The following PYGM variants were observed in gnomAD, a reference collection of about 807,000 sequenced individuals.
The protein encoded by PYGM is glycogen phosphorylase, muscle form.
A neutral mutation model predicts 99.3 loss-of-function variants in PYGM; 81 were observed. The ratio of observed to expected loss-of-function variants is 0.82; its 90% CI spans 0.68 to 0.98. The LOEUF (loss-of-function observed/expected upper bound fraction) is 0.98. Among genes scored for constraint, PYGM ranks in the 50% least tolerant of loss-of-function variants. PYGM has a pLI of 0.00. For synonymous variants in PYGM, 436 were observed against 451.5 expected, an observed-to-expected ratio of 0.97 and a Z score of 0.44; for missense variants, 1,030 against 1,158.1, an observed-to-expected ratio of 0.89 and a Z score of 1.61.
chr11:64,753,267 T>A (rs111764858), intron 11 of PYGM, 80 bp from the exon 12 acceptor site: 7 of 1,388,132 alleles, frequency 5.0e-6, no homozygotes, highest in Non-Finnish European at 7.2e-6. Flanking sequence ...TACCCTGGTG[T>A]CTTGCTGAAA....
intron 11 of PYGM, 93 bp downstream of exon 11, chr11:64,753,426 G>C: frequency 2.0e-6 from 3 of 1,470,452 alleles, no homozygotes; most frequent in South Asian, 2.5e-5. Flanking sequence ...CCAGAGACCA[G>C]AGAGTGGTCG....
Position 64,754,367 on chromosome 11 carries a change from G to T in PYGM, c.1000-22C>A. On this transcript the variant is annotated intron_variant, in intron 8 of 19. Transcript: ENST00000164139. This position sits in a 1 kb window ranked among gnomAD's most constrained non-coding sequence, Gnocchi z 5.5. ...CCACCTGGGGTAGGGGGAGGGGTCA[G>T]TCTGGGCTCCAAACCACATTCCATG... The T allele has an allele frequency of 1.9e-6, 3 of 1,564,544 alleles. No homozygotes were observed. Among genetic ancestry groups the T allele is most frequent in the Non-Finnish European group, 2.6e-6 (3 of 1,135,676 alleles).
chr11:64,753,833 G>C (rs985814797), intron 10 of PYGM, 46 bp downstream of exon 10: 70 of 1,549,838 alleles, frequency 4.5e-5, no homozygotes, highest in Non-Finnish European at 5.9e-5. Flanking sequence ...CCCAGACTGG[G>C]TGTCCCCCCT....
At chr11:64,747,763 G>A in intron 17 of PYGM, 5 of 316,676 alleles carry the variant, frequency 1.6e-5, no homozygotes, top group South Asian at 1.4e-4. Context: ...ACTGGGCCAG[G>A]CATGGTGGCT....
In PYGM at chr11:64,753,983, T is replaced by G; in HGVS notation, c.1135A>C (p.Thr379Pro). 4 of 1,606,816 alleles carry G rather than the reference T, an allele frequency of 2.5e-6. No individual in the cohort carries two copies. Among genetic ancestry groups the G allele is most frequent in the Non-Finnish European group, 3.4e-6 (4 of 1,176,556 alleles). ...CGCTCCAGGGCCTCGGGCAGCACCGTGTGGTTGGTGTAGGCACAGGTCCTC... is the reference window on the plus strand; with the variant it reads ...CGCTCCAGGGCCTCGGGCAGCACCGGGTGGTTGGTGTAGGCACAGGTCCTC... ...TVRTCAYTNH[T>P]VLPEALERWP... Residue 379 changes from threonine (T) to proline (P), a missense_variant, in exon 10 of 20, where the codon ACG becomes CCG. Coordinates refer to ENST00000164139, the MANE Select transcript of PYGM (RefSeq NM_005609.4).
At position 64,755,512 on chromosome 11, in the gene PYGM, T is replaced by C. The variant is rs2058388590; in HGVS notation, c.707A>G (p.Asn236Ser). 1 of 1,614,024 alleles carries C rather than the reference T, an allele frequency of 6.2e-7. No homozygotes were observed. Among genetic ancestry groups the C allele is most frequent in the South Asian group, 1.1e-5 (1 of 91,092 alleles). ...PYDTPVPGYR[N>S]NVVNTMRLWS... ...GAGGCGCATGGTGTTGACAACATTG[T>C]TGCGATAGCCAGGCACGGGCGTATC... The change falls in exon 6 of 20, where the codon AAC (asparagine) becomes AGC (serine). Residue 236 changes from asparagine (N) to serine (S), a missense_variant. By Grantham distance (46) the Asn-to-Ser change is conservative (BLOSUM62 1). Coordinates refer to ENST00000164139, the MANE Select transcript of PYGM (RefSeq NM_005609.4). The surrounding 1 kb of genome is among the most constrained non-coding windows in gnomAD (Gnocchi z 4.1).
At chr11:64,759,996 G>T (rs2058424305), upstream of PYGM, 2 of 1,548,416 alleles carry the variant, frequency 1.3e-6, no homozygotes, top group South Asian at 1.2e-5. Context: ...GCCTCAAGGG[G>T]ATTTAAAGCC....
At position 64,754,355 on chromosome 11, in the gene PYGM, G is replaced by A. The variant is rs749114783; in HGVS notation, c.1000-10C>T. On this transcript the variant is annotated splice_polypyrimidine_tract_variant and intron_variant, in intron 8 of 19. Coordinates refer to ENST00000164139, the MANE Select transcript of PYGM (RefSeq NM_005609.4). This position sits in a 1 kb window ranked among gnomAD's most constrained non-coding sequence, Gnocchi z 5.5. ...TGAGCTGGATGGCCACCTGGGGTAG[G>A]GGGAGGGGTCAGTCTGGGCTCCAAA... is the stretch of plus-strand genomic sequence containing the variant. 3.7e-5 allele frequency: 59 copies of A among 1,596,648 alleles called. No individual in the cohort carries two copies. The South Asian group carries it at 6.2e-4, about 17-fold the overall frequency.
Position 64,754,825 on chromosome 11 carries a change from C to T in PYGM, c.867G>A (p.Gly289=). ...ACTCCTGCTTCAGCCGCAGCTCCTTCCCTTCGAAGAACTGGGGACAGCATG... is the reference window on the plus strand; with the variant it reads ...ACTCCTGCTTCAGCCGCAGCTCCTTTCCTTCGAAGAACTGGGGACAGCATG... ...VLYPNDNFFE[G]KELRLKQEYF... is the part of the protein sequence containing the mutation. Residue 289 remains glycine, a synonymous_variant, in exon 8 of 20, where the codon GGG becomes GGA. Transcript: ENST00000164139. The surrounding 1 kb of genome is among the most constrained non-coding windows in gnomAD (Gnocchi z 5.5). 1 of 1,613,880 alleles carries T rather than the reference C, an allele frequency of 6.2e-7. No individual in the cohort carries two copies. The highest frequency in any genetic ancestry group is 2.2e-5 in the East Asian group (1 of 44,878).
In PYGM at chr11:64,755,151, C is replaced by T; in HGVS notation, c.855+122G>A. 8.4e-7 allele frequency: 1 copy of T among 1,193,502 alleles called. No individual in the cohort carries two copies. Among genetic ancestry groups the T allele is most frequent in the Non-Finnish European group, 1.2e-6 (1 of 814,984 alleles). 73.9% of individuals were successfully genotyped at this position (1,193,502 alleles called of 1,614,324 possible). A position where few individuals can be genotyped will look rare whatever the true frequency, so the allele number is the denominator to read the frequency against. ...AGACTTGAGGTGGGGGCACAGGATG[C>T]ACAAGGCCAGCAATATGCCCTGGGT... On this transcript the variant is annotated intron_variant, in intron 7 of 19. Transcript: ENST00000164139. The surrounding 1 kb of genome is among the most constrained non-coding windows in gnomAD (Gnocchi z 4.1).
intron 1 of PYGM, 26 bp downstream of exon 1, chr11:64,759,630 C>G (rs1463894946): frequency 1.2e-6 from 2 of 1,612,018 alleles, no homozygotes; most frequent in Non-Finnish European, 1.7e-6. Context: ...CAGCCCATAC[C>G]CCCACCCCAG....
chr11:64,758,217 C>A, intron 4 of PYGM, 29 bp downstream of exon 4: 1 of 1,578,772 alleles, frequency 6.3e-7, no homozygotes, highest in Non-Finnish European at 8.7e-7. Flanking sequence ...CCTGACTAGA[C>A]CCCACAAGTT....
At position 64,746,577 on chromosome 11, in the gene PYGM, C is replaced by T. The variant is rs755795540; in HGVS notation, c.*82G>A. ...GGGCTTAGAGATCTAACTCCAGTAC[C>T]CCACCCTCTGCATGAGGTGCTGGGG... On this transcript the variant is annotated 3_prime_UTR_variant, in exon 20 of 20. Transcript: ENST00000164139. 1.3e-6 allele frequency: 2 copies of T among 1,578,990 alleles called. No individual in the cohort carries two copies. Among genetic ancestry groups the T allele is most frequent in the Non-Finnish European group, 1.7e-6 (2 of 1,153,636 alleles).
intron 17 of PYGM, chr11:64,747,706 G>A (rs1195041993): frequency 1.1e-5 from 4 of 359,328 alleles, no homozygotes; most frequent in Non-Finnish European, 2.2e-5. Context: ...GTCCATATCC[G>A]GCCTTGCCCT....
At chr11:64,751,286 AG>A (rs2058353791) in intron 16 of PYGM, 38 bp downstream of exon 16, 3 of 1,613,310 alleles carry the variant, frequency 1.9e-6, no homozygotes, top group Non-Finnish European at 2.5e-6. Context: ...AGACTGAACT[AG>A]TCAGAGCCTC....
chr11:64,746,478 C>CGGAAGGG lies in PYGM; in HGVS notation c.*174_*180dup. ...TAGGAGGGGACCGGGAGCCCGAGGA[C>CGGAAGGG]GGAAGGGGGCCCGTGTCCTTAGTCA... On this transcript the variant is annotated 3_prime_UTR_variant, in exon 20 of 20. Coordinates refer to ENST00000164139, the MANE Select transcript of PYGM (RefSeq NM_005609.4). 1.2e-6 allele frequency: 1 copy of CGGAAGGG among 826,712 alleles called. No individual in the cohort carries two copies. Among genetic ancestry groups the CGGAAGGG allele is most frequent in the South Asian group, 1.7e-5 (1 of 60,058 alleles). 51.2% of individuals were successfully genotyped at this position (826,712 alleles called of 1,614,324 possible). A position where few individuals can be genotyped will look rare whatever the true frequency, so the allele number is the denominator to read the frequency against.
Position 64,758,598 on chromosome 11 carries a change from C to CA in PYGM, c.345+4dup, listed in dbSNP as rs1305652730. Reference sequence around the variant, plus strand: ...TCCCCACGGCTTGCCCCACCCCACACACACCTGGTAGGTGGCCTCGTCACA... The same window carrying CA: ...TCCCCACGGCTTGCCCCACCCCACACAACACCTGGTAGGTGGCCTCGTCACA... On this transcript the variant is annotated splice_donor_region_variant and intron_variant, in intron 2 of 19. Transcript: ENST00000164139. The CA allele has an allele frequency of 6.2e-7, 1 of 1,613,200 alleles. No individual in the cohort carries two copies. Among genetic ancestry groups the CA allele is most frequent in the East Asian group, 2.2e-5 (1 of 44,876 alleles).
chr11:64,751,423 A>G lies in PYGM; in HGVS notation c.1871T>C (p.Val624Ala). ...YHMAKMIIRL[V>A]TAIGDVVNHD... The stretch of plus-strand genomic sequence containing the variant: ...GTTGACCACATCCCCGATGGCTGTG[A>G]CGAGTCTGATGATCATCTTGGCCAT... The change falls in exon 16 of 20, where the codon GTC becomes GCC. Residue 624 changes from valine to alanine, a missense_variant. Physicochemically the swap from Val to Ala is moderately conservative, Grantham distance 64 (BLOSUM62 0). Transcript: ENST00000164139. 2 of 1,614,110 alleles carry G rather than the reference A, an allele frequency of 1.2e-6. No individual in the cohort carries two copies. The highest frequency in any genetic ancestry group is 4.5e-5 in the East Asian group (2 of 44,882).
In PYGM at chr11:64,759,938, G is replaced by C. The variant is rs773597597; in HGVS notation, c.-40C>G. On this transcript the variant is annotated 5_prime_UTR_variant, in exon 1 of 20. Transcript: ENST00000164139. ...GGGCCGGACTGGACTGATGGTAGAG[G>C]GGACGGCGGCCTCAGCACTGCCTCC... 6 of 1,609,162 alleles carry C rather than the reference G, an allele frequency of 3.7e-6. No individual in the cohort carries two copies. The South Asian group carries it at 6.6e-5, about 18-fold the overall frequency.
Sources: allele counts gnomAD v4.1 joint callset, GRCh38; gene constraint gnomAD v4.1.1; non-coding constraint Gnocchi (gnomAD v3.1); transcripts MANE v1.5; gene names NCBI Gene and HGNC (gene_info 2026-07-23, HGNC 2026-07-21).